The following MAP4K4 variants were observed in gnomAD, a reference collection of about 807,000 sequenced individuals.
MAP4K4 encodes the protein HPK/GCK-like kinase HGK.
Under a neutral mutation model 189.6 loss-of-function variants are expected in MAP4K4, and 38 were observed. The ratio of observed to expected loss-of-function variants is 0.20; its 90% confidence interval spans 0.15 to 0.26. MAP4K4 has a LOEUF of 0.26. Among genes scored for constraint, MAP4K4 ranks in the 10% least tolerant of loss-of-function variants. The probability of loss-of-function intolerance (pLI) is 1.00; values close to 1 mark genes in which losing one functional copy is unlikely to be tolerated. For synonymous variants in MAP4K4, 610 were observed against 624.3 expected (o/e 0.98, Z 0.34); for missense variants, 1,054 against 1,726.9 (o/e 0.61, Z 6.91).
intron 32 of MAP4K4, 124 bp from the exon 33 acceptor site, chr2:101,891,042 A>C: frequency 1.4e-6 from 1 of 730,032 alleles, no homozygotes; most frequent in East Asian, 2.7e-5. Flanking sequence ...TCTTTTGAAA[A>C]GGCTCTTTGG....
chr2:101,698,423 A>G (rs1558981841), intron 1 of MAP4K4, 50 bp from the exon 2 acceptor site: 1 of 1,493,376 alleles, frequency 6.7e-7, no homozygotes, highest in African/African-American at 1.4e-5. Flanking sequence ...TGATTTATTC[A>G]TTTTTTTGGC....
intron 13 of MAP4K4, 22 bp from the exon 14 acceptor site, chr2:101,858,974 C>G (rs1213683024): frequency 2.5e-6 from 4 of 1,578,898 alleles, no homozygotes; most frequent in Non-Finnish European, 2.6e-6. Flanking sequence ...AATTTGATTG[C>G]TGGGTGATTT....
At chr2:101,888,063 C>A in intron 31 of MAP4K4, 126 bp downstream of exon 31, 1 of 718,290 alleles carries the variant, frequency 1.4e-6, no homozygotes, top group Non-Finnish European at 2.1e-6. Context: ...GAGTAGTTGG[C>A]AGTAGATGGT....
chr2:101,863,295 A>G (rs2097718162), intron 16 of MAP4K4, among the ~76,000 whole-genome samples: 1 of 152,222 alleles, frequency 6.6e-6, no homozygotes, highest in African/African-American at 2.4e-5. Context: ...TTCTTGAGAT[A>G]TTATAGTCTC....
chr2:101,708,360 A>G (rs140638159), intron 2 of MAP4K4, among the ~76,000 whole-genome samples: 3 of 152,356 alleles, frequency 2.0e-5, no homozygotes, highest in East Asian at 3.9e-4. Flanking sequence ...AACAATAACA[A>G]TAACAACAAA....
At chr2:101,833,074 T>C (rs1576440707) in intron 7 of MAP4K4, among the ~76,000 whole-genome samples, 1 of 152,192 alleles carries the variant, frequency 6.6e-6, no homozygotes, top group East Asian at 1.9e-4. Context: ...TGGGTTAGGG[T>C]AATGAGCCCC....
intron 2 of MAP4K4, among the ~76,000 whole-genome samples, chr2:101,773,158 C>A (rs2082289839): frequency 6.6e-6 from 1 of 152,186 alleles, no homozygotes; most frequent in African/African-American, 2.4e-5. Flanking sequence ...GCACTAGAGG[C>A]AGGAATTATA....
At chr2:101,869,433 T>A (rs1438623461) in intron 21 of MAP4K4, among the ~76,000 whole-genome samples, 189 bp from the exon 22 acceptor site, 2 of 151,832 alleles carry the variant, frequency 1.3e-5, no homozygotes, top group South Asian at 2.1e-4. Context: ...TTTTTTTTTT[T>A]AATCTCTCTC....
chr2:101,811,548 C>T (rs1048860501), intron 3 of MAP4K4, among the ~76,000 whole-genome samples: 6 of 151,942 alleles, frequency 3.9e-5, no homozygotes, highest in African/African-American at 9.7e-5. Flanking sequence ...CAGGTGTTGA[C>T]GCCCCTTCTC....
At chr2:101,741,487 A>G (rs548091177) in intron 2 of MAP4K4, among the ~76,000 whole-genome samples, 1 of 151,964 alleles carries the variant, frequency 6.6e-6, no homozygotes, top group Non-Finnish European at 1.5e-5. Flanking sequence ...TGTTTTTCTT[A>G]AGGATATCGC....
chr2:101,826,722 A>T (rs1252071648), intron 5 of MAP4K4, among the ~76,000 whole-genome samples: 1 of 152,170 alleles, frequency 6.6e-6, no homozygotes, highest in Non-Finnish European at 1.5e-5. Flanking sequence ...AGCACACCCT[A>T]TGTTATTCAA....
At chr2:101,809,066 A>G (rs2095240778) in intron 3 of MAP4K4, among the ~76,000 whole-genome samples, 1 of 152,088 alleles carries the variant, frequency 6.6e-6, no homozygotes, top group Admixed American at 6.6e-5. Context: ...TTATTTATTT[A>G]TTTTAGAAAG....
chr2:101,863,889 T>C (rs1166115359), exon 17 of MAP4K4: 1 of 1,367,614 alleles, frequency 7.3e-7, no homozygotes, highest in African/African-American at 1.5e-5. Context: ...ATTCCTTCAG[T>C]GACCCTTCTC....
chr2:101,736,542 C>T (rs1254905096), intron 2 of MAP4K4, among the ~76,000 whole-genome samples: 1 of 152,214 alleles, frequency 6.6e-6, no homozygotes, highest in Admixed American at 6.5e-5. Context: ...GGATCACTTG[C>T]TTATTGCAGC....
At chr2:101,865,801 G>A (rs1344033143) in intron 18 of MAP4K4, among the ~76,000 whole-genome samples, 1 of 152,182 alleles carries the variant, frequency 6.6e-6, no homozygotes, top group Non-Finnish European at 1.5e-5. Flanking sequence ...CTGACTTGAG[G>A]TGTCAGATGG....
intron 15 of MAP4K4, chr2:101,860,604 A>T: frequency 2.1e-6 from 1 of 468,742 alleles, no homozygotes; most frequent in Non-Finnish European, 3.8e-6. Context: ...GAGCTTAGAG[A>T]CTGCCTTGCT....
intron 5 of MAP4K4, 103 bp downstream of exon 5, chr2:101,825,532 G>T: frequency 1.7e-6 from 1 of 604,658 alleles, no homozygotes; most frequent in South Asian, 2.8e-5. Flanking sequence ...TATCTATATA[G>T]ATTATTCTCT....
At chr2:101,831,149 CA>C (rs1279379719) in intron 6 of MAP4K4, among the ~76,000 whole-genome samples, 1 of 152,180 alleles carries the variant, frequency 6.6e-6, no homozygotes, top group Non-Finnish European at 1.5e-5. Context: ...AGACCACCAC[CA>C]CCATCCAATT....
At chr2:101,871,783 T>TC in intron 24 of MAP4K4, 98 bp downstream of exon 24, 1 of 1,103,062 alleles carries the variant, frequency 9.1e-7, no homozygotes, top group Non-Finnish European at 1.3e-6. Context: ...CCTCACCCCT[T>TC]CCCTTCCCAC....
Sources: allele counts gnomAD v4.1 joint callset (sites outside exome capture counted in the v4.1 genomes callset), GRCh38; gene constraint gnomAD v4.1.1; transcripts MANE v1.5; gene names NCBI Gene and HGNC (gene_info 2026-07-23, HGNC 2026-07-21).